The following WNT8B variants were observed in gnomAD, a reference collection of about 807,000 sequenced individuals.
WNT8B encodes Wnt family member 8B.
WNT8B carries 24 observed loss-of-function variants against 36.6 expected under a neutral mutation model. That is an observed-to-expected ratio of 0.66 (90% CI 0.48 to 0.92). The LOEUF (loss-of-function observed/expected upper bound fraction) is 0.92, where lower values mean the gene tolerates loss of function less well. Among genes scored for constraint, WNT8B ranks in the 40% least tolerant of loss-of-function variants. The probability of loss-of-function intolerance (pLI) is 0.00; values close to 1 mark genes in which losing one functional copy is unlikely to be tolerated. For missense variants in WNT8B, 402 were observed against 470.8 expected, an observed-to-expected ratio of 0.85 and a Z score of 1.35; for synonymous variants, 199 against 189.8, an observed-to-expected ratio of 1.05 and a Z score of -0.40.
At chr10:100,473,660 C>G (rs1028161183) in intron 1 of WNT8B, among the ~76,000 whole-genome samples, 11 of 152,174 alleles carry the variant, frequency 7.2e-5, no homozygotes, top group African/African-American at 2.7e-4. Flanking sequence ...GACATGGTGG[C>G]TCATGCCTGT....
In WNT8B at chr10:100,482,435, C is replaced by CT. The variant is rs1339874523; in HGVS notation, c.675_676insT (p.Asn226Ter). On this transcript the variant is annotated frameshift_variant, in exon 6 of 6. Coordinates refer to ENST00000343737, the MANE Select transcript of WNT8B (RefSeq NM_003393.4). LOFTEE classifies it high-confidence loss of function. This position sits in a 1 kb window ranked among gnomAD's most constrained non-coding sequence, Gnocchi z 6.6. ...AGGTGGACCTGCTGCAGGGTGCTGG[C>CT]AACAGCGCGGCCGGCCGCGGCGCCA... 1.9e-6 allele frequency: 3 copies of CT among 1,606,276 alleles called. No individual in the cohort carries two copies. The South Asian group carries it at 3.3e-5, about 18-fold the overall frequency.
At chr10:100,480,825 G>A (rs1368987711) in intron 3 of WNT8B, among the ~76,000 whole-genome samples, 173 bp from the exon 4 acceptor site, 1 of 152,126 alleles carries the variant, frequency 6.6e-6, no homozygotes, top group African/African-American at 2.4e-5. Context: ...GCAACATAGT[G>A]AGACCGACTC....
chr10:100,474,794 AC>A (rs941223340), intron 1 of WNT8B, among the ~76,000 whole-genome samples: 5 of 151,642 alleles, frequency 3.3e-5, no homozygotes, highest in Admixed American at 1.3e-4. Flanking sequence ...CAAACTCCTG[AC>A]CTCAAGATCT....
chr10:100,482,157 G>A lies in WNT8B; in HGVS notation c.510+103G>A. On this transcript the variant is annotated intron_variant, in intron 5 of 5. Transcript: ENST00000343737. This position sits in a 1 kb window ranked among gnomAD's most constrained non-coding sequence, Gnocchi z 6.6. ...TTCATTTAAAAGATTGGCAAAATGA[G>A]GTACCAAGTGGGCTGGCCCAGTAGA... is the stretch of plus-strand genomic sequence containing the variant. The A allele has an allele frequency of 1.9e-6, 3 of 1,560,522 alleles. No homozygotes were observed. Among genetic ancestry groups the A allele is most frequent in the Middle Eastern group, 1.7e-4 (1 of 5,856 alleles).
chr10:100,479,131 C>T, intron 2 of WNT8B, 46 bp downstream of exon 2: 2 of 1,530,506 alleles, frequency 1.3e-6, no homozygotes, highest in Non-Finnish European at 8.9e-7. Flanking sequence ...CTAATCTTAG[C>T]CTGTTGACTA....
At chr10:100,469,318 T>C (rs1426668537) in intron 1 of WNT8B, among the ~76,000 whole-genome samples, 1 of 152,220 alleles carries the variant, frequency 6.6e-6, no homozygotes, top group Non-Finnish European at 1.5e-5. Flanking sequence ...TTGTGTTCTA[T>C]TGCCATACTT....
intron 1 of WNT8B, among the ~76,000 whole-genome samples, chr10:100,472,941 C>T (rs1397765769): frequency 2.0e-5 from 3 of 152,234 alleles, no homozygotes; most frequent in African/African-American, 7.2e-5. Flanking sequence ...TTAGTGGGAG[C>T]ACTGGCTTGC....
At position 100,481,759 on chromosome 10, in the gene WNT8B, C is replaced by A. The variant is rs375989307; in HGVS notation, c.368-153C>A. On this transcript the variant is annotated intron_variant, in intron 4 of 5. Coordinates refer to ENST00000343737, the MANE Select transcript of WNT8B (RefSeq NM_003393.4). ...GCGTGTAAAAGTGGCAAAAACAAAT[C>A]TAGACGGCAACTGATCTGGATACAG... Among the ~76,000 whole-genome samples, 133 of 152,330 alleles carry A rather than the reference C, an allele frequency of 8.7e-4. 1 individual carries two copies. The South Asian group carries it at 0.02, about 23-fold the overall frequency.
chr10:100,479,225 G>A (rs1851078916), intron 2 of WNT8B, 140 bp downstream of exon 2: 1 of 786,082 alleles, frequency 1.3e-6, no homozygotes, highest in Non-Finnish European at 1.9e-6. Flanking sequence ...GAGACCCAGA[G>A]GGTGTTAGGG....
chr10:100,468,102 G>C (rs539782697), intron 1 of WNT8B, among the ~76,000 whole-genome samples: 7 of 152,310 alleles, frequency 4.6e-5, no homozygotes, highest in African/African-American at 1.4e-4. Context: ...ATACATGTTT[G>C]TGTTTATTTC....
intron 1 of WNT8B, among the ~76,000 whole-genome samples, chr10:100,476,631 C>A (rs1385132905): frequency 6.6e-6 from 1 of 152,084 alleles, no homozygotes; most frequent in East Asian, 1.9e-4. Context: ...ATTACTTTCT[C>A]ACATTATAAT....
intron 1 of WNT8B, among the ~76,000 whole-genome samples, chr10:100,472,535 AGAT>A (rs1419868576): frequency 6.6e-6 from 1 of 152,242 alleles, no homozygotes. Context: ...AAATTTAAAA[AGAT>A]GATACAGGTA....
intron 1 of WNT8B, among the ~76,000 whole-genome samples, chr10:100,463,550 T>C (rs1293135021): frequency 6.6e-6 from 1 of 152,150 alleles, no homozygotes. Flanking sequence ...GTCAGCATTG[T>C]AGAGAGGAGG....
At chr10:100,479,823 G>T in intron 2 of WNT8B, 51 bp from the exon 3 acceptor site, 3 of 1,603,790 alleles carry the variant, frequency 1.9e-6, no homozygotes, top group Non-Finnish European at 2.6e-6. Context: ...GTCAGTTTAG[G>T]GTAAATGCCT....
intron 1 of WNT8B, among the ~76,000 whole-genome samples, chr10:100,473,058 A>G (rs558518202): frequency 6.6e-6 from 1 of 152,264 alleles, no homozygotes; most frequent in East Asian, 1.9e-4. Flanking sequence ...CTTGTATTCA[A>G]TTCACTTTTA....
intron 1 of WNT8B, among the ~76,000 whole-genome samples, chr10:100,464,493 C>T (rs192366347): frequency 2.6e-5 from 4 of 152,246 alleles, no homozygotes; most frequent in Non-Finnish European, 4.4e-5. Context: ...AAGAGAAACA[C>T]GAGATTCCCT....
chr10:100,468,522 CACTT>C (rs1165851561), intron 1 of WNT8B, among the ~76,000 whole-genome samples: 1 of 152,200 alleles, frequency 6.6e-6, no homozygotes, highest in Non-Finnish European at 1.5e-5. Context: ...TAGCAGCTCT[CACTT>C]AGAGACCAAG....
rs1423847542 is a variant in WNT8B, at chr10:100,483,636, CT to C, written c.*821del. 2.0e-5 allele frequency: 3 copies of C among 152,254 alleles called. No homozygotes were observed. Among genetic ancestry groups the C allele is most frequent in the African/African-American group, 7.2e-5 (3 of 41,450 alleles). The allele number at this position is 152,254 out of a possible 1,614,324, so 9.4% of individuals were successfully genotyped here. A position where few individuals can be genotyped will look rare whatever the true frequency, so the allele number is the denominator to read the frequency against. Reference sequence around the variant, plus strand: ...CTCCCTTCTCCTGACCTACTTCCTCCTAGCAACCAACTTTACCTCTTCTTCT... The same window carrying C: ...CTCCCTTCTCCTGACCTACTTCCTCCAGCAACCAACTTTACCTCTTCTTCT... On this transcript the variant is annotated 3_prime_UTR_variant, in exon 6 of 6. Coordinates refer to ENST00000343737, the MANE Select transcript of WNT8B (RefSeq NM_003393.4).
chr10:100,464,353 T>C (rs1850888441), intron 1 of WNT8B, among the ~76,000 whole-genome samples: 1 of 152,092 alleles, frequency 6.6e-6, no homozygotes, highest in African/African-American at 2.4e-5. Context: ...TAATTAAATA[T>C]TTCAATGTTA....
Sources: allele counts gnomAD v4.1 joint callset (sites outside exome capture counted in the v4.1 genomes callset), GRCh38; gene constraint gnomAD v4.1.1; non-coding constraint Gnocchi (gnomAD v3.1); transcripts MANE v1.5; gene names NCBI Gene and HGNC (gene_info 2026-07-23, HGNC 2026-07-21).